The following TEK variants were observed in gnomAD, a reference collection of about 807,000 sequenced individuals.
TEK encodes the protein TEK receptor tyrosine kinase.
TEK carries 43 observed loss-of-function variants against 131.8 expected under a neutral mutation model. The observed-to-expected ratio is 0.33, with a 90% CI of 0.26 to 0.42. The LOEUF is 0.42. Ranked by LOEUF, TEK falls within the 10% of genes least tolerant of loss-of-function variation. The pLI is 1.00. For missense variants in TEK, 1,162 were observed against 1,384.4 expected, an observed-to-expected ratio of 0.84 and a Z score of 2.55; for synonymous variants, 580 against 491.6, an observed-to-expected ratio of 1.18 and a Z score of -2.38.
At chr9:27,198,940 G>C (rs1825120243) in intron 12 of TEK, among the ~76,000 whole-genome samples, 1 of 151,946 alleles carries the variant, frequency 6.6e-6, no homozygotes, top group Non-Finnish European at 1.5e-5. Flanking sequence ...TGGGACCACA[G>C]GCACACGCCA....
At chr9:27,178,449 C>T (rs1039222239) in intron 6 of TEK, among the ~76,000 whole-genome samples, 1 of 151,948 alleles carries the variant, frequency 6.6e-6, no homozygotes, top group Non-Finnish European at 1.5e-5. Context: ...TCTAGGCCTT[C>T]TGTGGTTCAA....
intron 1 of TEK, among the ~76,000 whole-genome samples, chr9:27,113,027 ATCACT>A (rs1275265008): frequency 6.6e-6 from 1 of 152,224 alleles, no homozygotes; most frequent in African/African-American, 2.4e-5. Context: ...AGAAATGGTA[ATCACT>A]TCACTGAAAT....
intron 22 of TEK, among the ~76,000 whole-genome samples, 197 bp from the exon 23 acceptor site, chr9:27,228,961 C>G (rs1826450243): frequency 6.6e-6 from 1 of 152,142 alleles, no homozygotes; most frequent in Admixed American, 6.6e-5. Context: ...TGAAATCTTA[C>G]TTGCAGAACG....
chr9:27,213,805 C>T (rs1825719261), intron 18 of TEK, among the ~76,000 whole-genome samples: 1 of 152,190 alleles, frequency 6.6e-6, no homozygotes, highest in South Asian at 2.1e-4. Context: ...ATGAAGAAGG[C>T]ACTGTCATGT....
Position 27,173,214 on chromosome 9 carries a change from TCCCA to T in TEK, c.761-7_761-4del. ...GACTCTGAATCATCTTTTCTTTTCC[TCCCA>T]AAGCTTGTGAACTGCACACGTTTGG... On this transcript the variant is annotated splice_region_variant and splice_polypyrimidine_tract_variant and intron_variant, in intron 5 of 22. Transcript: ENST00000380036. 1 of 1,613,978 alleles carries T rather than the reference TCCCA, an allele frequency of 6.2e-7. No individual in the cohort carries two copies. Among genetic ancestry groups the T allele is most frequent in the Non-Finnish European group, 8.5e-7 (1 of 1,179,916 alleles).
Position 27,212,693 on chromosome 9 carries a change from T to C in TEK, c.2687-14T>C. 6.2e-7 allele frequency: 1 copy of C among 1,614,052 alleles called. No individual in the cohort carries two copies. The highest frequency in any genetic ancestry group is 8.5e-7 in the Non-Finnish European group (1 of 1,179,960). ...GGGCCACTGATGAGTCGATGCTCTCTTCCTTCCCTCCAGGCTACTTGTACC... is the reference window on the plus strand; with the variant it reads ...GGGCCACTGATGAGTCGATGCTCTCCTCCTTCCCTCCAGGCTACTTGTACC... On this transcript the variant is annotated splice_polypyrimidine_tract_variant and intron_variant, in intron 16 of 22. Coordinates refer to ENST00000380036, the MANE Select transcript of TEK (RefSeq NM_000459.5).
chr9:27,217,855 T>A, intron 19 of TEK, 97 bp downstream of exon 19: 1 of 1,031,364 alleles, frequency 9.7e-7, no homozygotes, highest in Non-Finnish European at 1.5e-6. Flanking sequence ...GTCCTGTAGC[T>A]CTCGGGAACA....
chr9:27,141,966 T>G (rs1275176501), intron 1 of TEK, among the ~76,000 whole-genome samples: 1 of 152,246 alleles, frequency 6.6e-6, no homozygotes, highest in Non-Finnish European at 1.5e-5. Context: ...CATTGAGATT[T>G]CAGCTGCATC....
intron 11 of TEK, among the ~76,000 whole-genome samples, chr9:27,194,742 G>C (rs1006782403): frequency 6.6e-6 from 1 of 152,110 alleles, no homozygotes; most frequent in Non-Finnish European, 1.5e-5. Context: ...TAGTTCTCAG[G>C]GGTAGGCGGG....
chr9:27,118,662 C>T (rs1318764095), intron 1 of TEK, among the ~76,000 whole-genome samples: 1 of 152,130 alleles, frequency 6.6e-6, no homozygotes, highest in African/African-American at 2.4e-5. Flanking sequence ...AAATGGCGGC[C>T]ATCCATTATT....
At chr9:27,191,469 C>T (rs1394783877) in intron 10 of TEK, among the ~76,000 whole-genome samples, 1 of 152,066 alleles carries the variant, frequency 6.6e-6, no homozygotes, top group Non-Finnish European at 1.5e-5. Context: ...TGTAAAAAGA[C>T]CTGCCACTAA....
intron 1 of TEK, among the ~76,000 whole-genome samples, chr9:27,137,564 C>CTTTTT (rs1291732850): frequency 2.8e-4 from 42 of 152,176 alleles, no homozygotes; most frequent in African/African-American, 1.0e-3. Flanking sequence ...AGGCTTTTTA[C>CTTTTT]TTTTTGAGTT....
intron 21 of TEK, among the ~76,000 whole-genome samples, chr9:27,221,343 G>C (rs748223591): frequency 2.4e-4 from 36 of 152,214 alleles, no homozygotes; most frequent in Non-Finnish European, 4.7e-4. Context: ...TGTTGGTGTA[G>C]CTTCAGCAGA....
intron 15 of TEK, among the ~76,000 whole-genome samples, chr9:27,207,194 G>T (rs572919105): frequency 6.6e-6 from 1 of 152,242 alleles, no homozygotes; most frequent in Non-Finnish European, 1.5e-5. Context: ...CAGGGCCAGA[G>T]AATCTGCATT....
chr9:27,185,434 GCGTTTATGCCT>G, intron 8 of TEK, 40 bp from the exon 9 acceptor site: 2 of 1,610,796 alleles, frequency 1.2e-6, no homozygotes, highest in Non-Finnish European at 1.7e-6. Context: ...ATGGACCTTT[GCGTTTATGCCT>G]CCCTAGAAGT....
chr9:27,128,477 T>C (rs1395433125), intron 1 of TEK, among the ~76,000 whole-genome samples: 1 of 152,228 alleles, frequency 6.6e-6, no homozygotes, highest in Non-Finnish European at 1.5e-5. Context: ...TTTGGTTCCA[T>C]ATGAAATTTA....
At chr9:27,159,115 G>C (rs1823450759) in intron 2 of TEK, among the ~76,000 whole-genome samples, 1 of 152,180 alleles carries the variant, frequency 6.6e-6, no homozygotes, top group Non-Finnish European at 1.5e-5. Flanking sequence ...CATATATGGT[G>C]TTGCCTGGCT....
chr9:27,179,907 A>T (rs1824298215), intron 6 of TEK, among the ~76,000 whole-genome samples: 1 of 152,144 alleles, frequency 6.6e-6, no homozygotes, highest in Admixed American at 6.5e-5. Flanking sequence ...AAATTGGGAA[A>T]CACATCATTC....
At chr9:27,201,668 C>T (rs531376741) in intron 12 of TEK, among the ~76,000 whole-genome samples, 12 of 152,134 alleles carry the variant, frequency 7.9e-5, no homozygotes, top group African/African-American at 2.9e-4. Context: ...TAAAGAGTAA[C>T]AAGGGGGAGT....
Sources: allele counts gnomAD v4.1 joint callset (sites outside exome capture counted in the v4.1 genomes callset), GRCh38; gene constraint gnomAD v4.1.1; transcripts MANE v1.5; gene names NCBI Gene and HGNC (gene_info 2026-07-23, HGNC 2026-07-21).